The following SPATS2L variants were observed in gnomAD, a reference collection of about 807,000 sequenced individuals.
The protein encoded by SPATS2L is spermatogenesis associated serine rich 2 like, also known as SPATS2-like protein.
A neutral mutation model predicts 59.6 loss-of-function variants in SPATS2L; 30 were observed. The observed-to-expected ratio is 0.50, with a 90% CI of 0.38 to 0.68. The LOEUF is 0.68. Among genes scored for constraint, SPATS2L ranks in the 30% least tolerant of loss-of-function variants. SPATS2L has a pLI of 0.00. For synonymous variants in SPATS2L, 252 were observed against 263.5 expected (o/e 0.96, Z 0.42); for missense variants, 615 against 700.0 (o/e 0.88, Z 1.37).
chr2:200,429,769 C>T (rs1023347441), intron 6 of SPATS2L, among the ~76,000 whole-genome samples: 1 of 152,104 alleles, frequency 6.6e-6, no homozygotes, highest in African/African-American at 2.4e-5. Flanking sequence ...TACTAGCTGG[C>T]AAAAGAGAAT....
chr2:200,393,065 T>A (rs915320450), intron 3 of SPATS2L: 5 of 372,596 alleles, frequency 1.3e-5, no homozygotes, highest in Non-Finnish European at 2.7e-5. Flanking sequence ...GAACTCACAG[T>A]CATATATTCA....
At chr2:200,472,145 C>T (rs781125616) in intron 11 of SPATS2L, among the ~76,000 whole-genome samples, 1 of 152,220 alleles carries the variant, frequency 6.6e-6, no homozygotes, top group South Asian at 2.1e-4. Context: ...CCTGCCTTGC[C>T]TGTAACCTTG....
chr2:200,314,237 G>T (rs2079287167), intron 1 of SPATS2L, among the ~76,000 whole-genome samples: 1 of 152,186 alleles, frequency 6.6e-6, no homozygotes. Flanking sequence ...AATGAAACCT[G>T]CTTCACCAAG....
rs931819708 is a variant in SPATS2L, at chr2:200,393,349, G to A, written c.39+4066G>A. On this transcript the variant is annotated intron_variant, in intron 3 of 12. Transcript: ENST00000409140. ...TCATGCCAATGAGGGAAAATAGGCT[G>A]ATCTGTTAGCACACAGATCACAGAG... The A allele has an allele frequency of 1.1e-5, 5 of 456,576 alleles. No homozygotes were observed. The Admixed American group carries it at 1.2e-4, about 11-fold the overall frequency. The allele number at this position is 456,576 out of a possible 1,614,324, so 28.3% of individuals were successfully genotyped here.
At chr2:200,459,675 G>A (rs1204309366) in intron 8 of SPATS2L, 94 bp from the exon 9 acceptor site, 3 of 958,944 alleles carry the variant, frequency 3.1e-6, no homozygotes, top group Non-Finnish European at 4.8e-6. Flanking sequence ...TTTGTATTTT[G>A]TTTAATGAAA....
At chr2:200,312,915 GTCA>G (rs1174592922) in intron 1 of SPATS2L, among the ~76,000 whole-genome samples, 2 of 152,184 alleles carry the variant, frequency 1.3e-5, no homozygotes, top group African/African-American at 2.4e-5. Flanking sequence ...AGTGAATACA[GTCA>G]TCATCATCAT....
chr2:200,332,487 T>C (rs2105798561), intron 2 of SPATS2L, among the ~76,000 whole-genome samples: 1 of 152,284 alleles, frequency 6.6e-6, no homozygotes, highest in South Asian at 2.1e-4. Flanking sequence ...GCTTAAGCGA[T>C]CCTCCCACCT....
chr2:200,357,725 G>A (rs2080963164), intron 2 of SPATS2L, among the ~76,000 whole-genome samples: 1 of 152,014 alleles, frequency 6.6e-6, no homozygotes, highest in South Asian at 2.1e-4. Flanking sequence ...CATTGACTTG[G>A]TTTAGATCAA....
intron 8 of SPATS2L, among the ~76,000 whole-genome samples, chr2:200,447,343 C>T (rs1054112560): frequency 3.9e-5 from 6 of 152,230 alleles, no homozygotes; most frequent in African/African-American, 1.4e-4. Context: ...CCATTATGCT[C>T]TTTAAGCCAA....
chr2:200,386,525 A>C (rs1025378337), intron 2 of SPATS2L, among the ~76,000 whole-genome samples: 1 of 152,206 alleles, frequency 6.6e-6, no homozygotes, highest in African/African-American at 2.4e-5. Context: ...TTCAGATCTC[A>C]TAAATTTTCT....
chr2:200,405,304 C>T (rs2082654993), intron 3 of SPATS2L, among the ~76,000 whole-genome samples: 1 of 151,972 alleles, frequency 6.6e-6, no homozygotes, highest in Admixed American at 6.6e-5. Flanking sequence ...TCCACTTTTA[C>T]TTCCCATAAT....
intron 1 of SPATS2L, among the ~76,000 whole-genome samples, chr2:200,328,849 A>G (rs2079842273): frequency 6.6e-6 from 1 of 152,182 alleles, no homozygotes; most frequent in Admixed American, 6.5e-5. Context: ...TGTGTACTTT[A>G]TAGGATATCT....
chr2:200,354,991 T>G (rs1434585301), intron 2 of SPATS2L, among the ~76,000 whole-genome samples: 1 of 152,148 alleles, frequency 6.6e-6, no homozygotes, highest in African/African-American at 2.4e-5. Context: ...CTTTTTTTTT[T>G]AATTGTAGTA....
At chr2:200,315,941 C>T (rs1192325247) in intron 1 of SPATS2L, among the ~76,000 whole-genome samples, 3 of 139,900 alleles carry the variant, frequency 2.1e-5, no homozygotes, top group African/African-American at 5.3e-5. Context: ...AGGAGAATGG[C>T]GTGAACCTGG....
chr2:200,458,733 TA>T (rs71022320), intron 8 of SPATS2L, among the ~76,000 whole-genome samples: 64,769 of 148,478 alleles, frequency 0.44, 14,737 homozygotes, highest in East Asian at 0.58. Context: ...AACACACTGT[TA>T]AAAAAAAAAA....
intron 2 of SPATS2L, among the ~76,000 whole-genome samples, chr2:200,357,169 G>C (rs778230433): frequency 6.6e-6 from 1 of 152,210 alleles, no homozygotes; most frequent in Non-Finnish European, 1.5e-5. Context: ...CTTCACAGAT[G>C]TTGAATTCTG....
At chr2:200,441,757 C>T (rs1315841257) in intron 8 of SPATS2L, among the ~76,000 whole-genome samples, 1 of 152,122 alleles carries the variant, frequency 6.6e-6, no homozygotes, top group African/African-American at 2.4e-5. Context: ...AGCAAAAGTC[C>T]AAAGGCTGGC....
intron 2 of SPATS2L, among the ~76,000 whole-genome samples, chr2:200,336,809 T>C (rs963049631): frequency 6.6e-6 from 1 of 152,226 alleles, no homozygotes; most frequent in Non-Finnish European, 1.5e-5. Flanking sequence ...AAGTTCTAAA[T>C]GTTAGTATAT....
chr2:200,347,719 A>G (rs1306595442), intron 2 of SPATS2L, among the ~76,000 whole-genome samples: 2 of 152,080 alleles, frequency 1.3e-5, no homozygotes, highest in East Asian at 3.9e-4. Context: ...TCATACTACA[A>G]ATGTCCACCC....
Sources: gnomAD v4.1 joint callset for allele counts (sites outside exome capture counted in the v4.1 genomes callset) on GRCh38, gnomAD v4.1.1 for gene constraint, MANE v1.5 for transcripts, NCBI Gene and HGNC (gene_info 2026-07-23, HGNC 2026-07-21) for gene names.